Variants in FRS2 observed in about 807,000 individuals in gnomAD.
FRS2 encodes fibroblast growth factor receptor substrate 2, also known as FGFR signalling adaptor.
In FRS2, 8 loss-of-function variants were observed where a neutral mutation model predicts 43.9. The ratio of observed to expected loss-of-function variants is 0.18; its 90% CI spans 0.11 to 0.33. FRS2 has a LOEUF of 0.33. FRS2 is among the 10% of genes least tolerant of loss of function. The pLI is 1.00. For synonymous variants in FRS2, 219 were observed against 220.3 expected, an observed-to-expected ratio of 0.99 and a Z score of 0.05; for missense variants, 534 against 627.6, an observed-to-expected ratio of 0.85 and a Z score of 1.59.
At chr12:69,530,640 G>A (rs1029408027) in intron 1 of FRS2, among the ~76,000 whole-genome samples, 5 of 152,118 alleles carry the variant, frequency 3.3e-5, no homozygotes, top group African/African-American at 4.8e-5. Flanking sequence ...CTACTCAGAA[G>A]GCTGAGGTGG....
chr12:69,479,404 T>G (rs975426106), intron 1 of FRS2, among the ~76,000 whole-genome samples: 29 of 149,620 alleles, frequency 1.9e-4, no homozygotes, highest in East Asian at 1.4e-3. Context: ...TTTTTTTTTT[T>G]TTTCTTTTTT....
At chr12:69,491,950 C>A (rs924930420) in intron 1 of FRS2, among the ~76,000 whole-genome samples, 3 of 152,058 alleles carry the variant, frequency 2.0e-5, no homozygotes, top group Non-Finnish European at 4.4e-5. Flanking sequence ...TTTGTGTATT[C>A]ATTTCTAAAG....
At chr12:69,471,663 G>T (rs1263667947) in intron 1 of FRS2, among the ~76,000 whole-genome samples, 1 of 152,210 alleles carries the variant, frequency 6.6e-6, no homozygotes, top group African/African-American at 2.4e-5. Context: ...AAGGTTTGTA[G>T]GAAATATGGG....
At chr12:69,491,346 T>G (rs1422389134) in intron 1 of FRS2, among the ~76,000 whole-genome samples, 1 of 152,062 alleles carries the variant, frequency 6.6e-6, no homozygotes, top group Non-Finnish European at 1.5e-5. Flanking sequence ...CCTGCCCACC[T>G]CGGCCTTTCA....
At chr12:69,474,943 A>G (rs1331481736) in intron 1 of FRS2, among the ~76,000 whole-genome samples, 1 of 152,188 alleles carries the variant, frequency 6.6e-6, no homozygotes, top group Non-Finnish European at 1.5e-5. Context: ...ACTCTATTTT[A>G]TAAGTTCTTT....
intron 1 of FRS2, among the ~76,000 whole-genome samples, chr12:69,478,023 G>C (rs1870998066): frequency 6.6e-6 from 1 of 151,910 alleles, no homozygotes; most frequent in Non-Finnish European, 1.5e-5. Context: ...TTACAGGTGT[G>C]AGCCACCGCG....
chr12:69,515,560 C>T (rs901898960), intron 1 of FRS2, among the ~76,000 whole-genome samples: 1 of 152,024 alleles, frequency 6.6e-6, no homozygotes, highest in African/African-American at 2.4e-5. Flanking sequence ...AAACATCCCT[C>T]GCGCTCTCTT....
At chr12:69,494,105 A>G (rs541032755) in intron 1 of FRS2, among the ~76,000 whole-genome samples, 1 of 152,290 alleles carries the variant, frequency 6.6e-6, no homozygotes, top group Non-Finnish European at 1.5e-5. Flanking sequence ...GCACAATGCA[A>G]TTTATACCTT....
At chr12:69,482,084 A>G (rs972513966) in intron 1 of FRS2, among the ~76,000 whole-genome samples, 4 of 151,430 alleles carry the variant, frequency 2.6e-5, no homozygotes, top group African/African-American at 9.7e-5. Context: ...TGTATAATGT[A>G]TAAGTATATA....
At chr12:69,564,223 T>C (rs1880100014) in intron 4 of FRS2, among the ~76,000 whole-genome samples, 1 of 151,906 alleles carries the variant, frequency 6.6e-6, no homozygotes, top group Admixed American at 6.6e-5. Flanking sequence ...CTTACTTTTC[T>C]TAGTTTGTAC....
chr12:69,485,899 T>G (rs1375021927), intron 1 of FRS2, among the ~76,000 whole-genome samples: 1 of 152,208 alleles, frequency 6.6e-6, no homozygotes, highest in East Asian at 1.9e-4. Flanking sequence ...ATATATTGAG[T>G]AGGTACTTGA....
chr12:69,548,922 A>G (rs958271943), intron 3 of FRS2, among the ~76,000 whole-genome samples: 14 of 152,200 alleles, frequency 9.2e-5, no homozygotes, highest in African/African-American at 3.4e-4. Context: ...TGGTGCCTCC[A>G]TGCAGGTGAG....
chr12:69,492,955 T>G (rs144097748), intron 1 of FRS2, among the ~76,000 whole-genome samples: 1 of 152,194 alleles, frequency 6.6e-6, no homozygotes, highest in Non-Finnish European at 1.5e-5. Context: ...CTATTTTCCT[T>G]TAATTTAGTT....
At chr12:69,483,490 A>C (rs1017656130) in intron 1 of FRS2, among the ~76,000 whole-genome samples, 1 of 152,232 alleles carries the variant, frequency 6.6e-6, no homozygotes, top group Non-Finnish European at 1.5e-5. Context: ...CAGAAAGTTT[A>C]CAAAAATAGA....
chr12:69,525,635 T>C (rs1160699925), intron 1 of FRS2, among the ~76,000 whole-genome samples: 1 of 152,136 alleles, frequency 6.6e-6, no homozygotes, highest in African/African-American at 2.4e-5. Context: ...TGAGAACGCG[T>C]GTCCTCTCTT....
rs906873777 is a variant in FRS2 at position 69,578,642 on chromosome 12, T to C, written c.*3687T>C. On this transcript the variant is annotated 3_prime_UTR_variant, in exon 9 of 9. Coordinates refer to ENST00000549921, the MANE Select transcript of FRS2 (RefSeq NM_001278356.2). Reference sequence around the variant, plus strand: ...CAGTGTGCCACATTTGCATTAGTAATGCAAAATATACATTTTATAAAGGAC... The same window carrying C: ...CAGTGTGCCACATTTGCATTAGTAACGCAAAATATACATTTTATAAAGGAC... 6.6e-6 allele frequency: 1 copy of C among 152,666 alleles called. No individual in the cohort carries two copies. The highest frequency in any genetic ancestry group is 2.4e-5 in the African/African-American group (1 of 41,470). 9.5% of individuals were successfully genotyped at this position (152,666 alleles called of 1,614,324 possible).
At chr12:69,548,216 ACAAT>A (rs2135727911) in intron 3 of FRS2, among the ~76,000 whole-genome samples, 1 of 152,306 alleles carries the variant, frequency 6.6e-6, no homozygotes, top group Non-Finnish European at 1.5e-5. Context: ...CTAGAGCAGG[ACAAT>A]CAGAGGCAAA....
Position 69,471,790 on chromosome 12 carries a change from T to C in FRS2, c.-261+1260T>C, listed in dbSNP as rs377563922. On this transcript the variant is annotated intron_variant, in intron 1 of 8. Transcript: ENST00000549921. The stretch of plus-strand genomic sequence containing the variant: ...AGCGTAAAGTATTCACAAATCACCT[T>C]CTTGAAACCAGTGACGCTATCTGCA... Among the ~76,000 whole-genome samples, 5 of 152,378 alleles carry C rather than the reference T, an allele frequency of 3.3e-5. No homozygotes were observed. In the South Asian group the frequency reaches 6.2e-4, roughly 19 times the overall value.
intron 1 of FRS2, among the ~76,000 whole-genome samples, chr12:69,517,456 A>G (rs1875172762): frequency 6.6e-6 from 1 of 151,912 alleles, no homozygotes; most frequent in African/African-American, 2.4e-5. Flanking sequence ...AGGGATACTC[A>G]ACCTGTACAT....
Sources: allele counts gnomAD v4.1 joint callset (sites outside exome capture counted in the v4.1 genomes callset), GRCh38; gene constraint gnomAD v4.1.1; transcripts MANE v1.5; gene names NCBI Gene and HGNC (gene_info 2026-07-23, HGNC 2026-07-21).